The following MCTP1 variants were observed in gnomAD, a reference collection of about 807,000 sequenced individuals.
MCTP1 encodes multiple C2 and transmembrane domain containing 1, also known as multiple C2 and transmembrane domain-containing protein 1.
Under a neutral mutation model 120.6 loss-of-function variants are expected in MCTP1, and 69 were observed. That is an observed-to-expected ratio of 0.57 (90% CI 0.47 to 0.70). The LOEUF (loss-of-function observed/expected upper bound fraction) is 0.70, where lower values mean the gene tolerates loss of function less well. MCTP1 is among the 30% of genes least tolerant of loss of function. MCTP1 has a pLI of 0.00. For synonymous variants in MCTP1, 529 were observed against 493.1 expected (o/e 1.07, Z -0.96); for missense variants, 1,203 against 1,248.8 (o/e 0.96, Z 0.55).
At chr5:94,901,619 A>G (rs572984571) in intron 10 of MCTP1, among the ~76,000 whole-genome samples, 3 of 152,302 alleles carry the variant, frequency 2.0e-5, no homozygotes, top group South Asian at 4.1e-4. Flanking sequence ...TGCATTAAAA[A>G]AAAAAAACTA....
At chr5:94,857,768 C>T (rs1240529176) in intron 17 of MCTP1, among the ~76,000 whole-genome samples, 3 of 151,562 alleles carry the variant, frequency 2.0e-5, no homozygotes, top group Non-Finnish European at 4.4e-5. Context: ...AAACTGTGCA[C>T]CAAATGTATA....
chr5:95,003,871 T>TA lies in MCTP1; in HGVS notation c.838+13495dup, dbSNP rs1388961069. ...GAGAAGTGGGGCATTGCTATAACAA[T>TA]ACCTGAAAATGTGGCAGCAGCTATG... On this transcript the variant is annotated intron_variant, in intron 2 of 22. Transcript: ENST00000515393. 3.3e-5 allele frequency among the ~76,000 whole-genome samples: 5 copies of TA among 152,294 alleles called. No individual in the cohort carries two copies. In the East Asian group the frequency reaches 7.7e-4, roughly 24 times the overall value.
chr5:95,278,179 C>T (rs1056657033), intron 1 of MCTP1, among the ~76,000 whole-genome samples: 2 of 151,582 alleles, frequency 1.3e-5, no homozygotes, highest in South Asian at 2.1e-4. Context: ...TAGGGATAAA[C>T]TTCTCACCTC....
At chr5:94,983,137 C>T (rs564985324) in intron 2 of MCTP1, among the ~76,000 whole-genome samples, 8 of 152,074 alleles carry the variant, frequency 5.3e-5, no homozygotes, top group South Asian at 4.2e-4. Context: ...CTAATAGCCA[C>T]GAGAAATTGA....
At chr5:95,072,269 G>GT (rs1190874828) in intron 1 of MCTP1, among the ~76,000 whole-genome samples, 1 of 152,182 alleles carries the variant, frequency 6.6e-6, no homozygotes, top group African/African-American at 2.4e-5. Context: ...CTGGAGTACA[G>GT]TAAGTCCTAC....
chr5:94,996,623 G>A (rs1011282181), intron 2 of MCTP1, among the ~76,000 whole-genome samples: 2 of 152,088 alleles, frequency 1.3e-5, no homozygotes, highest in African/African-American at 4.8e-5. Flanking sequence ...TTGTTATACT[G>A]TATTGTTTAT....
chr5:94,722,430 G>A (rs1014255034), intron 19 of MCTP1, among the ~76,000 whole-genome samples: 26 of 152,154 alleles, frequency 1.7e-4, no homozygotes, highest in Admixed American at 1.7e-3. Flanking sequence ...CACCTGTGCT[G>A]TATTAATCAG....
At chr5:95,180,804 C>T (rs1372890103) in intron 1 of MCTP1, among the ~76,000 whole-genome samples, 1 of 152,142 alleles carries the variant, frequency 6.6e-6, no homozygotes, top group Non-Finnish European at 1.5e-5. Flanking sequence ...TTTTAATTTT[C>T]CCTTCCCAGC....
At position 95,118,173 on chromosome 5, in the gene MCTP1, A is replaced by G. The variant is rs80179614; in HGVS notation, c.721-100689T>C. ...CACATCCTGCACAATTTACCTATGT[A>G]ACAAACCTGTACATCCTGCACATGT... On this transcript the variant is annotated intron_variant, in intron 1 of 22. Coordinates refer to ENST00000515393, the MANE Select transcript of MCTP1 (RefSeq NM_024717.7). Among the ~76,000 whole-genome samples, 13 of 152,352 alleles carry G rather than the reference A, an allele frequency of 8.5e-5. No individual in the cohort carries two copies. In the East Asian group the frequency reaches 2.5e-3, roughly 29 times the overall value.
intron 1 of MCTP1, among the ~76,000 whole-genome samples, chr5:95,065,855 T>C (rs1301861275): frequency 6.6e-6 from 1 of 152,032 alleles, no homozygotes; most frequent in African/African-American, 2.4e-5. Flanking sequence ...TATACAAAAA[T>C]CAACTGAAAA....
rs560261493 is a variant in MCTP1 at position 94,818,284 on chromosome 5, A to T, written c.2437-19152T>A. ...TTCCACAGATACACATACAAAAGTA[A>T]GTAAAAAGGACCATTTAAACATCTT... On this transcript the variant is annotated intron_variant, in intron 17 of 22. Transcript: ENST00000515393. 2.6e-5 allele frequency among the ~76,000 whole-genome samples: 4 copies of T among 152,340 alleles called. No homozygotes were observed. In the East Asian group the frequency reaches 7.7e-4, roughly 29 times the overall value.
chr5:95,048,795 G>C (rs1191649311), intron 1 of MCTP1, among the ~76,000 whole-genome samples: 4 of 152,106 alleles, frequency 2.6e-5, no homozygotes, highest in Admixed American at 6.6e-5. Flanking sequence ...ATCAGTCAGG[G>C]GCAGGGGATT....
chr5:94,917,105 TCTTC>T (rs1355340294), intron 8 of MCTP1, among the ~76,000 whole-genome samples: 3 of 152,238 alleles, frequency 2.0e-5, no homozygotes, highest in Non-Finnish European at 4.4e-5. Context: ...GTGCTTCTTT[TCTTC>T]CTTTATTATT....
At chr5:94,886,134 T>C (rs1261018821) in intron 12 of MCTP1, among the ~76,000 whole-genome samples, 2 of 152,194 alleles carry the variant, frequency 1.3e-5, no homozygotes, top group Non-Finnish European at 2.9e-5. Context: ...AACAAGGCTA[T>C]AGGCTTTTTG....
At chr5:95,036,934 T>C (rs1841434439) in intron 1 of MCTP1, among the ~76,000 whole-genome samples, 1 of 51,228 alleles carries the variant, frequency 2.0e-5, no homozygotes. Flanking sequence ...TCACTCATTT[T>C]TTAATCCCAT....
At chr5:95,078,206 G>A (rs1006608457) in intron 1 of MCTP1, among the ~76,000 whole-genome samples, 9 of 152,184 alleles carry the variant, frequency 5.9e-5, no homozygotes, top group South Asian at 2.1e-4. Context: ...TCTACAATTC[G>A]TTCAATGTGC....
intron 1 of MCTP1, among the ~76,000 whole-genome samples, chr5:95,194,437 A>G (rs1447106817): frequency 2.0e-5 from 3 of 152,144 alleles, no homozygotes; most frequent in Non-Finnish European, 4.4e-5. Context: ...GAAAGAGGAG[A>G]GCAAAGCTTA....
chr5:94,894,829 C>G lies in MCTP1; in HGVS notation c.1659G>C (p.Gln553His). The G allele has an allele frequency of 3.8e-6, 6 of 1,564,738 alleles. No homozygotes were observed. The highest frequency in any genetic ancestry group is 4.4e-6 in the Non-Finnish European group (5 of 1,148,686). Residue 553 changes from glutamine (Q) to histidine (H), a missense_variant, in exon 11 of 23, where the codon CAG becomes CAC. By Grantham distance (24) the Gln-to-His change is conservative. This residue lies in a region of MCTP1 where 740 missense variants were observed against 871.1 expected (regional missense o/e 0.85). Coordinates refer to ENST00000515393, the MANE Select transcript of MCTP1 (RefSeq NM_024717.7). Reference sequence around the variant, plus strand: ...CCCTACTGAGGGCTGACAGGTCGACCTGGCACCTAGAGACAAATGTTTTGA... The same window carrying G: ...CCCTACTGAGGGCTGACAGGTCGACGTGGCACCTAGAGACAAATGTTTTGA... ...GKRDDFIGRC[Q>H]VDLSALSREQ...
intron 17 of MCTP1, among the ~76,000 whole-genome samples, chr5:94,844,296 T>G (rs1489767185): frequency 3.2e-5 from 1 of 30,966 alleles, no homozygotes. Flanking sequence ...AGTGAGACTC[T>G]GTCTCAAAAA....
Sources: gnomAD v4.1 joint callset for allele counts (sites outside exome capture counted in the v4.1 genomes callset) on GRCh38, gnomAD v4.1.1 for gene constraint, gnomAD v4.1.1 regional missense constraint, MANE v1.5 for transcripts, NCBI Gene and HGNC (gene_info 2026-07-23, HGNC 2026-07-21) for gene names.